Variants in LCN6 observed in about 807,000 individuals in gnomAD.
LCN6 encodes the protein lipocalin 6.
LCN6 carries 20 observed loss-of-function variants against 21.4 expected under a neutral mutation model. The observed-to-expected ratio is 0.93, with a 90% CI of 0.66 to 1.36. The LOEUF is 1.36. Among genes scored for constraint, LCN6 ranks in the 40% most tolerant of loss-of-function variants. The pLI is 0.00. For synonymous variants in LCN6, 96 were observed against 89.0 expected, an observed-to-expected ratio of 1.08 and a Z score of -0.44; for missense variants, 217 against 206.6, an observed-to-expected ratio of 1.05 and a Z score of -0.31.
intron 3 of LCN6, 137 bp downstream of exon 3, chr9:136,745,707 G>A (rs905319391): frequency 9.3e-6 from 7 of 754,632 alleles, no homozygotes; most frequent in South Asian, 1.6e-5. Flanking sequence ...CCCTCAGGAT[G>A]GGCAGCAATC....
chr9:136,745,426 C>G (rs1847024199), intron 3 of LCN6, 146 bp from the exon 4 acceptor site: 1 of 636,550 alleles, frequency 1.6e-6, no homozygotes, highest in South Asian at 1.8e-5. Context: ...ACACCCAGAG[C>G]CCCCAAGCTT....
At chr9:136,745,487 C>A in intron 3 of LCN6, 1 of 576,470 alleles carries the variant, frequency 1.7e-6, no homozygotes, top group East Asian at 3.0e-5. Context: ...GGCTTTCAGA[C>A]ACTGACGGAC....
chr9:136,747,487 A>G lies in LCN6; in HGVS notation c.167T>C (p.Val56Ala). ...GFAMEKDMKN[V>A]VGVVVTLTPE... ...AGTGAGGGTCACCACCACCCCCACG[A>G]CGTTCTTCATGTCCTTCTCCATGGC... is the stretch of plus-strand genomic sequence containing the variant. The change falls in exon 2 of 7, where the codon GTC (valine) becomes GCC (alanine). Residue 56 changes from valine to alanine, a missense_variant. Val to Ala is a moderately conservative substitution (Grantham distance 64, BLOSUM62 0). Transcript: ENST00000341206. 6.2e-7 allele frequency: 1 copy of G among 1,613,684 alleles called. No individual in the cohort carries two copies.
chr9:136,744,919 C>T lies in LCN6; in HGVS notation c.413-178G>A, dbSNP rs1847014572. The stretch of plus-strand genomic sequence containing the variant: ...TGGGGGAACTTGGCCTGCATGTGGT[C>T]CTGTGCGGCCCACCCACCACACAGC... On this transcript the variant is annotated intron_variant, in intron 4 of 6. Coordinates refer to ENST00000341206, the MANE Select transcript of LCN6 (RefSeq NM_198946.3). This position sits in a 1 kb window ranked among gnomAD's most constrained non-coding sequence, Gnocchi z 4.2. Among the ~76,000 whole-genome samples, 1 of 152,056 alleles carries T rather than the reference C, an allele frequency of 6.6e-6. No homozygotes were observed. Among genetic ancestry groups the T allele is most frequent in the African/African-American group, 2.4e-5 (1 of 41,378 alleles).
rs753293850 is a variant in LCN6, at chr9:136,745,203, C to T, written c.379G>A (p.Gly127Arg). The change falls in exon 4 of 7, where the codon GGG becomes AGG. Residue 127 changes from glycine (G) to arginine (R), a missense_variant. Transcript: ENST00000341206. ...YAIIFTQLEF[G>R]DEPFNTVELY... ...TCCACGGTGTTGAAGGGCTCGTCCC[C>T]GAACTCCAGCTGAGTGAAGATGATG... 36 of 1,613,588 alleles carry T rather than the reference C, an allele frequency of 2.2e-5. No homozygotes were observed. Among genetic ancestry groups the T allele is most frequent in the African/African-American group, 5.3e-5 (4 of 75,034 alleles).
Position 136,748,426 on chromosome 9 carries a change from C to G in LCN6, c.58G>C (p.Ala20Pro). The G allele has an allele frequency of 1.2e-6, 2 of 1,613,060 alleles. No individual in the cohort carries two copies. The highest frequency in any genetic ancestry group is 1.1e-5 in the South Asian group (1 of 91,006). Residue 20 changes from alanine (A) to proline (P), a missense_variant, in exon 1 of 7, where the codon GCC (alanine) becomes CCC (proline). Ala to Pro is a conservative substitution (Grantham distance 27). Transcript: ENST00000341206. The stretch of plus-strand genomic sequence containing the variant: ...GGGTCCAGTCTTCCCAACCACACGG[C>G]CTGGGCCCTGGGCACCGAGACCAAA... ...LALVSVPRAQ[A>P]VWLGRLDPEQ...
intron 1 of LCN6, among the ~76,000 whole-genome samples, chr9:136,747,937 G>C (rs1209756638): frequency 1.6e-5 from 2 of 125,282 alleles, no homozygotes; most frequent in Admixed American, 7.8e-5. Flanking sequence ...CTAGGCTCCA[G>C]CCCTCCAGCC....
Position 136,744,420 on chromosome 9 carries a change from G to C in LCN6, c.*23-56C>G, listed in dbSNP as rs1236227741. On this transcript the variant is annotated intron_variant, in intron 5 of 6. Coordinates refer to ENST00000341206, the MANE Select transcript of LCN6 (RefSeq NM_198946.3). This position sits in a 1 kb window ranked among gnomAD's most constrained non-coding sequence, Gnocchi z 4.2. ...AAGGACTGAGCCCCCCAGCACCCCA[G>C]GGCCCCACCCACAAGACTCGCCTGC... 3 of 487,530 alleles carry C rather than the reference G, an allele frequency of 6.2e-6. No individual in the cohort carries two copies. The highest frequency in any genetic ancestry group is 1.1e-5 in the Non-Finnish European group (3 of 268,712). The allele number at this position is 487,530 out of a possible 1,614,324, so 30.2% of individuals were successfully genotyped here. A position where few individuals can be genotyped will look rare whatever the true frequency, so the allele number is the denominator to read the frequency against.
At chr9:136,747,663 C>T (rs1564327562) in intron 1 of LCN6, 100 bp from the exon 2 acceptor site, 2 of 994,712 alleles carry the variant, frequency 2.0e-6, no homozygotes, top group African/African-American at 2.0e-5. Context: ...AACCTCCAGC[C>T]TCAGCCTCCA....
At chr9:136,746,173 G>A (rs1170242583) in intron 2 of LCN6, among the ~76,000 whole-genome samples, 1 of 146,356 alleles carries the variant, frequency 6.8e-6, no homozygotes, top group African/African-American at 2.5e-5. Flanking sequence ...TGCTGCTGAG[G>A]ACACAACAGG....
intron 2 of LCN6, 56 bp from the exon 3 acceptor site, chr9:136,745,970 G>A: frequency 1.3e-6 from 2 of 1,504,890 alleles, no homozygotes; most frequent in Non-Finnish European, 1.8e-6. Context: ...GGCCCGGTGA[G>A]AGGAGACGGA....
intron 2 of LCN6, 106 bp from the exon 3 acceptor site, chr9:136,746,020 G>C: frequency 1.1e-6 from 1 of 945,590 alleles, no homozygotes; most frequent in Non-Finnish European, 1.7e-6. Context: ...AGTGAGGCCA[G>C]AGCTTCCATC....
chr9:136,747,442 G>T lies in LCN6; in HGVS notation c.212C>A (p.Thr71Lys). The T allele has an allele frequency of 6.2e-7, 1 of 1,613,422 alleles. No homozygotes were observed. The highest frequency in any genetic ancestry group is 8.5e-7 in the Non-Finnish European group (1 of 1,179,830). ...VTLTPENNLR[T>K]LSSQHGLGGC... ...CACTCACCCGTGCTGAGAGGACAGC[G>T]TCCGCAGGTTGTTTTCTGGAGTGAG... is the stretch of plus-strand genomic sequence containing the variant. Residue 71 changes from threonine (T) to lysine (K), a missense_variant, in exon 2 of 7, where the codon ACG becomes AAG. Transcript: ENST00000341206.
chr9:136,747,672 C>T lies in LCN6; in HGVS notation c.91-109G>A, dbSNP rs1847062653. The T allele has an allele frequency of 6.4e-6, 6 of 941,756 alleles. No individual in the cohort carries two copies. In the African/African-American group the frequency reaches 8.2e-5, roughly 13 times the overall value. 58.3% of individuals were successfully genotyped at this position (941,756 alleles called of 1,614,324 possible). On this transcript the variant is annotated intron_variant, in intron 1 of 6. Transcript: ENST00000341206. ...CCTCCAAACCTCCAGCCTCAGCCTC[C>T]ACCCTCCAACCATCCAGCCCTCCAG...
intron 2 of LCN6, among the ~76,000 whole-genome samples, chr9:136,746,354 G>A (rs1847038319): frequency 6.9e-6 from 1 of 143,916 alleles, no homozygotes; most frequent in South Asian, 2.3e-4. Context: ...GGATGGGGTG[G>A]GGTGGGGGTT....
Position 136,745,878 on chromosome 9 carries a change from T to C in LCN6, c.267A>G (p.Ile89Met). 6.2e-7 allele frequency: 1 copy of C among 1,613,740 alleles called. No individual in the cohort carries two copies. The highest frequency in any genetic ancestry group is 8.5e-7 in the Non-Finnish European group (1 of 1,179,924). ...GGCDQSVMDL[I>M]KRNSGWVFEN... Reference sequence around the variant, plus strand: ...CAAACACCCATCCGGAGTTTCGCTTTATCAGGTCCATGACACTCTGGTCAC... The same window carrying C: ...CAAACACCCATCCGGAGTTTCGCTTCATCAGGTCCATGACACTCTGGTCAC... The change falls in exon 3 of 7, where the codon ATA becomes ATG. Residue 89 changes from isoleucine (I) to methionine (M), a missense_variant. Physicochemically the swap from Ile to Met is conservative, Grantham distance 10 (BLOSUM62 1). Coordinates refer to ENST00000341206, the MANE Select transcript of LCN6 (RefSeq NM_198946.3).
chr9:136,745,273 G>A lies in LCN6; in HGVS notation c.309C>T (p.Gly103=), dbSNP rs372944293. ...TGGCCAGCACCCAGAGCTCCAGCAC[G>A]CCTATTGCTAGGAAACAAAACCCCC... ...SGWVFENPSI[G]VLELWVLATN... The change falls in exon 4 of 7, where the codon GGC becomes GGT. Residue 103 remains glycine, a synonymous_variant. Transcript: ENST00000341206. 15 of 1,611,120 alleles carry A rather than the reference G, an allele frequency of 9.3e-6. No homozygotes were observed. Among genetic ancestry groups the A allele is most frequent in the East Asian group, 4.5e-5 (2 of 44,882 alleles).
chr9:136,745,034 C>A lies in LCN6; in HGVS notation c.412+136G>T, dbSNP rs954761066. On this transcript the variant is annotated intron_variant, in intron 4 of 6. Transcript: ENST00000341206. ...CTCACCACACAGCTCCCCACATGGC[C>A]CCCGAGCGGCCCACTCACCACACAG... is the stretch of plus-strand genomic sequence containing the variant. 7 of 823,158 alleles carry A rather than the reference C, an allele frequency of 8.5e-6. No homozygotes were observed. In the African/African-American group the frequency reaches 1.2e-4, roughly 14 times the overall value. 51.0% of individuals were successfully genotyped at this position (823,158 alleles called of 1,614,324 possible).
At chr9:136,745,309 G>C in intron 3 of LCN6, 29 bp from the exon 4 acceptor site, 3 of 1,501,228 alleles carry the variant, frequency 2.0e-6, no homozygotes, top group Non-Finnish European at 2.8e-6. Flanking sequence ...CGCCTCAGGG[G>C]AGGGCAGCTG....
Sources: allele counts gnomAD v4.1 joint callset (sites outside exome capture counted in the v4.1 genomes callset), GRCh38; gene constraint gnomAD v4.1.1; non-coding constraint Gnocchi (gnomAD v3.1); transcripts MANE v1.5; gene names NCBI Gene and HGNC (gene_info 2026-07-23, HGNC 2026-07-21).